MYO16: variants seen among roughly 807,000 people sequenced by gnomAD.
MYO16 encodes the protein myosin XVI, also known as unconventional myosin-XVI.
In MYO16, 94 loss-of-function variants were observed where a neutral mutation model predicts 205.3. The observed-to-expected ratio is 0.46, with a 90% confidence interval of 0.39 to 0.54. MYO16 has a LOEUF of 0.54. Among genes scored for constraint, MYO16 ranks in the 20% least tolerant of loss-of-function variants. MYO16 has a pLI of 0.00. For synonymous variants in MYO16, 988 were observed against 954.0 expected, an observed-to-expected ratio of 1.04 and a Z score of -0.66; for missense variants, 2,315 against 2,387.5, an observed-to-expected ratio of 0.97 and a Z score of 0.63.
In MYO16 at chr13:108,832,173, C is replaced by T. The variant is rs147430594; in HGVS notation, c.1097+8895C>T. Among the ~76,000 whole-genome samples, 292 of 134,898 alleles carry T rather than the reference C, an allele frequency of 2.2e-3. 2 individuals are homozygous for T. The highest frequency in any genetic ancestry group is 7.2e-3 in the African/African-American group (262 of 36,388). The allele number at this position is 134,898 out of a possible 152,430, so 88.5% of individuals were successfully genotyped here. A position where few individuals can be genotyped will look rare whatever the true frequency, so the allele number is the denominator to read the frequency against. On this transcript the variant is annotated intron_variant, in intron 9 of 34. Coordinates refer to ENST00000457511, the MANE Select transcript of MYO16 (RefSeq NM_001198950.3). The stretch of plus-strand genomic sequence containing the variant: ...TTTTTTTTTTTTTGAGACAGAGTCT[C>T]GCTCTATCGCCCAGGCTGGAGGGCA...
At chr13:108,744,946 CT>C (rs1885014576) in intron 4 of MYO16, among the ~76,000 whole-genome samples, 1 of 152,106 alleles carries the variant, frequency 6.6e-6, no homozygotes, top group Non-Finnish European at 1.5e-5. Context: ...GGTAAAAATG[CT>C]TACTTAATAT....
chr13:108,577,782 A>G, the MYO16 span, among the ~76,000 whole-genome samples: 12 of 152,226 alleles, frequency 7.9e-5, no homozygotes, highest in Admixed American at 4.6e-4. Context: ...TCTTTTATTG[A>G]CAAGGTATTT....
At chr13:108,608,110 G>T (rs376325445) in intron 1 of MYO16, among the ~76,000 whole-genome samples, 251 of 152,270 alleles carry the variant, frequency 1.6e-3, no homozygotes, top group African/African-American at 5.2e-3. Flanking sequence ...TTTCAGTTTT[G>T]CAGATTTCTG....
chr13:108,782,362 G>A (rs763376353), intron 4 of MYO16, among the ~76,000 whole-genome samples: 20 of 152,152 alleles, frequency 1.3e-4, no homozygotes, highest in Non-Finnish European at 2.5e-4. Context: ...TGAGAGAGAT[G>A]ATTTCGGGTA....
intron 34 of MYO16, among the ~76,000 whole-genome samples, chr13:109,188,984 C>G (rs774199085): frequency 1.3e-4 from 19 of 151,988 alleles, no homozygotes; most frequent in Non-Finnish European, 2.5e-4. Flanking sequence ...ACCCCAGCTA[C>G]TCGGGAGGCT....
At position 109,184,566 on chromosome 13, in the gene MYO16, A is replaced by G. The variant is rs1333404242; in HGVS notation, c.5415+4933A>G. The stretch of plus-strand genomic sequence containing the variant: ...GGATTTAATTGCCATAAATTTTGAG[A>G]AAATAAGAAGTCAGAGTAGTGACTA... On this transcript the variant is annotated intron_variant, in intron 34 of 34. Transcript: ENST00000457511. Among the ~76,000 whole-genome samples, 3 of 152,034 alleles carry G rather than the reference A, an allele frequency of 2.0e-5. No individual in the cohort carries two copies. The East Asian group carries it at 5.8e-4, about 29-fold the overall frequency.
chr13:108,715,760 A>G (rs1477320000), intron 3 of MYO16, among the ~76,000 whole-genome samples: 1 of 152,126 alleles, frequency 6.6e-6, no homozygotes, highest in Non-Finnish European at 1.5e-5. Context: ...GGCCACAATT[A>G]TTTTGTTGTG....
chr13:109,062,531 A>T (rs1887624101), intron 27 of MYO16, among the ~76,000 whole-genome samples: 1 of 152,090 alleles, frequency 6.6e-6, no homozygotes, highest in South Asian at 2.1e-4. Context: ...TCTTATCTTT[A>T]TCTGTAATGG....
chr13:108,736,415 T>G lies in MYO16; in HGVS notation c.507+8832T>G, dbSNP rs1213977293. 4.3e-4 allele frequency among the ~76,000 whole-genome samples: 65 copies of G among 152,124 alleles called. 1 individual carries two copies. Among genetic ancestry groups the G allele is most frequent in the Admixed American group, 3.8e-3 (58 of 15,270 alleles). On this transcript the variant is annotated intron_variant, in intron 4 of 34. Coordinates refer to ENST00000457511, the MANE Select transcript of MYO16 (RefSeq NM_001198950.3). ...TTAAATAGGGAATCCTTTCCCCATT[T>G]CTTGTTTTTGTCAGGTTTGTCAAAG...
At chr13:108,859,808 A>AT (rs1306071256) in intron 11 of MYO16, among the ~76,000 whole-genome samples, 4 of 151,962 alleles carry the variant, frequency 2.6e-5, no homozygotes, top group African/African-American at 9.7e-5. Flanking sequence ...CTTGAGACTC[A>AT]TAAAAAAAAC....
intron 14 of MYO16, among the ~76,000 whole-genome samples, chr13:108,895,370 GCTCAGTATTT>G (rs1175097543): frequency 2.6e-5 from 4 of 152,058 alleles, no homozygotes; most frequent in Non-Finnish European, 5.9e-5. Context: ...GTTTTGTTTA[GCTCAGTATTT>G]CTCTTAATAC....
At chr13:109,103,223 A>G (rs913401816) in intron 28 of MYO16, among the ~76,000 whole-genome samples, 3 of 152,284 alleles carry the variant, frequency 2.0e-5, no homozygotes, top group Admixed American at 2.0e-4. Flanking sequence ...AAAGCAAAGC[A>G]TTTTTTAGAT....
rs1191997041 is a variant in MYO16, at chr13:109,041,195, ATAAAT to A, written c.2797-5716_2797-5712del. The stretch of plus-strand genomic sequence containing the variant: ...GCGAAAACCACAAAATTCTGATAAA[ATAAAT>A]TAAAGATCTAGATAAAAAGAAAGAC... On this transcript the variant is annotated intron_variant, in intron 23 of 34. Coordinates refer to ENST00000457511, the MANE Select transcript of MYO16 (RefSeq NM_001198950.3). 1.8e-4 allele frequency among the ~76,000 whole-genome samples: 27 copies of A among 152,348 alleles called. No individual in the cohort carries two copies. The South Asian group carries it at 2.9e-3, about 16-fold the overall frequency.
intron 2 of MYO16, among the ~76,000 whole-genome samples, chr13:108,689,538 T>C (rs1197591313): frequency 6.6e-6 from 1 of 152,140 alleles, no homozygotes; most frequent in East Asian, 1.9e-4. Flanking sequence ...ATAATAGAGA[T>C]TTTTATTATC....
intron 33 of MYO16, among the ~76,000 whole-genome samples, chr13:109,172,089 AG>A (rs1566547404): frequency 6.6e-6 from 1 of 152,182 alleles, no homozygotes; most frequent in Non-Finnish European, 1.5e-5. Context: ...ACATCTAAGA[AG>A]GGCTTCCATC....
At chr13:108,910,173 T>C (rs1384590632) in intron 16 of MYO16, 23 bp downstream of exon 16, 2 of 1,600,246 alleles carry the variant, frequency 1.2e-6, no homozygotes, top group East Asian at 2.2e-5. Context: ...GTATTTTGTA[T>C]CTAAAAGCTA....
intron 4 of MYO16, among the ~76,000 whole-genome samples, chr13:108,753,537 C>T (rs1291522832): frequency 6.6e-6 from 1 of 152,066 alleles, no homozygotes; most frequent in Non-Finnish European, 1.5e-5. Flanking sequence ...GAGGATTCTA[C>T]AAGAGATATG....
Position 109,008,896 on chromosome 13 carries a change from G to A in MYO16, c.2443-1G>A. ...ATGTTTTCTTGTTTTCTCCACAACA[G>A]CTTTGTGTCAACATGACCAATGAGA... On this transcript the variant is annotated splice_acceptor_variant, in intron 21 of 34. Coordinates refer to ENST00000457511, the MANE Select transcript of MYO16 (RefSeq NM_001198950.3). LOFTEE classifies it high-confidence loss of function. 1 of 1,612,138 alleles carries A rather than the reference G, an allele frequency of 6.2e-7. No homozygotes were observed. The highest frequency in any genetic ancestry group is 8.5e-7 in the Non-Finnish European group (1 of 1,179,304).
chr13:108,675,173 C>A (rs1882147235), intron 2 of MYO16, among the ~76,000 whole-genome samples: 3 of 152,192 alleles, frequency 2.0e-5, no homozygotes, highest in African/African-American at 7.2e-5. Flanking sequence ...AAAAGAATGA[C>A]TTCTGGATTT....
Sources: gnomAD v4.1 joint callset for allele counts (sites outside exome capture counted in the v4.1 genomes callset) on GRCh38, gnomAD v4.1.1 for gene constraint, MANE v1.5 for transcripts, NCBI Gene and HGNC (gene_info 2026-07-23, HGNC 2026-07-21) for gene names.